The following HCRTR2 variants were observed in gnomAD, a reference collection of about 807,000 sequenced individuals.
HCRTR2 encodes the protein hypocretin receptor 2, also known as orexin receptor type 2.
Under a neutral mutation model 49.0 loss-of-function variants are expected in HCRTR2, and 22 were observed. The ratio of observed to expected loss-of-function variants is 0.45; its 90% confidence interval spans 0.32 to 0.64. HCRTR2 has a LOEUF of 0.64. HCRTR2 is among the 30% of genes least tolerant of loss of function. The pLI, the probability that HCRTR2 is intolerant of heterozygous loss-of-function variation, is 0.04. For synonymous variants in HCRTR2, 236 were observed against 205.3 expected (o/e 1.15, Z -1.28); for missense variants, 491 against 559.4 (o/e 0.88, Z 1.23).
chr6:55,231,512 A>AT (rs113402629), intron 1 of HCRTR2, among the ~76,000 whole-genome samples: 6,150 of 151,140 alleles, frequency 0.041, 425 homozygotes, highest in African/African-American at 0.14. Context: ...AAGTACTTGC[A>AT]TTTTTTTTTA....
chr6:55,171,090 T>C, upstream of HCRTR2, among the ~76,000 whole-genome samples: 1 of 152,258 alleles, frequency 6.6e-6, no homozygotes, highest in South Asian at 2.1e-4. Flanking sequence ...CCTTTGTGTA[T>C]ATACCCAGTA....
intron 1 of HCRTR2, among the ~76,000 whole-genome samples, chr6:55,226,051 G>A (rs925202739): frequency 1.3e-5 from 2 of 152,180 alleles, no homozygotes; most frequent in Non-Finnish European, 2.9e-5. Context: ...GTGGTTTTAA[G>A]GTCAGAAACA....
intron 4 of HCRTR2, among the ~76,000 whole-genome samples, chr6:55,275,973 A>ACAGG (rs144858893): frequency 0.027 from 4,125 of 151,856 alleles, 205 homozygotes; most frequent in African/African-American, 0.092. Context: ...CATTTAGAAG[A>ACAGG]CAGTTCAAGA....
chr6:55,108,853 A>G (rs1275884518), intron 1 of HCRTR2, among the ~76,000 whole-genome samples: 1 of 152,092 alleles, frequency 6.6e-6, no homozygotes, highest in Non-Finnish European at 1.5e-5. Context: ...GAGCACAGAA[A>G]GCATTGTGGG....
At chr6:55,128,586 T>C (rs1204630228) in intron 1 of HCRTR2, among the ~76,000 whole-genome samples, 1 of 152,182 alleles carries the variant, frequency 6.6e-6, no homozygotes, top group African/African-American at 2.4e-5. Context: ...TTTAGGTCAT[T>C]TCTGATTTAT....
intron 4 of HCRTR2, among the ~76,000 whole-genome samples, chr6:55,265,329 G>A (rs1766842030): frequency 6.6e-6 from 1 of 151,948 alleles, no homozygotes; most frequent in Non-Finnish European, 1.5e-5. Context: ...GTTTTGCTAG[G>A]TTATTATTCT....
chr6:55,113,040 A>T (rs1770512822), intron 1 of HCRTR2, among the ~76,000 whole-genome samples: 1 of 152,028 alleles, frequency 6.6e-6, no homozygotes, highest in Non-Finnish European at 1.5e-5. Flanking sequence ...TGGTCACCCT[A>T]TTCAAGGAAT....
At chr6:55,263,873 T>C (rs1401798488) in intron 4 of HCRTR2, 51 bp downstream of exon 4, 1 of 1,072,860 alleles carries the variant, frequency 9.3e-7, no homozygotes, top group South Asian at 1.3e-5. Context: ...ACATAATTTG[T>C]TATTTGTTAT....
intron 1 of HCRTR2, among the ~76,000 whole-genome samples, chr6:55,245,359 C>A (rs556024499): frequency 7.3e-6 from 1 of 137,002 alleles, no homozygotes; most frequent in Non-Finnish European, 1.6e-5. Context: ...ACAAGGGAAC[C>A]GATGTGTGTG....
chr6:55,250,150 C>G (rs1234556349), intron 2 of HCRTR2, among the ~76,000 whole-genome samples: 1 of 151,976 alleles, frequency 6.6e-6, no homozygotes, highest in Non-Finnish European at 1.5e-5. Context: ...GTTATAAGCT[C>G]CATGCATATA....
intron 1 of HCRTR2, among the ~76,000 whole-genome samples, chr6:55,154,396 T>G (rs1198971535): frequency 6.6e-6 from 1 of 151,822 alleles, no homozygotes; most frequent in African/African-American, 2.4e-5. Flanking sequence ...GCAAACTAAA[T>G]TCAACAGTAC....
chr6:55,176,085 C>T (rs1181799649), intron 1 of HCRTR2, among the ~76,000 whole-genome samples: 1 of 152,136 alleles, frequency 6.6e-6, no homozygotes, highest in African/African-American at 2.4e-5. Context: ...TCAGACTAAC[C>T]TGATTTTTGC....
intron 1 of HCRTR2, among the ~76,000 whole-genome samples, chr6:55,165,819 TAAC>T (rs1249501596): frequency 2.2e-5 from 3 of 136,990 alleles, no homozygotes; most frequent in Non-Finnish European, 4.7e-5. Flanking sequence ...AAGAGACGAA[TAAC>T]CCAATCTAAA....
At chr6:55,117,783 C>CA (rs34425786) in intron 1 of HCRTR2, among the ~76,000 whole-genome samples, 25,428 of 78,244 alleles carry the variant, frequency 0.32, 5,028 homozygotes, top group East Asian at 0.79. Context: ...GATAAAGTCT[C>CA]AAAAAAAAAA....
At chr6:55,115,852 T>C (rs1330712825) in intron 1 of HCRTR2, among the ~76,000 whole-genome samples, 1 of 151,476 alleles carries the variant, frequency 6.6e-6, no homozygotes, top group Admixed American at 6.6e-5. Context: ...TTTAAATATA[T>C]ATATATATTT....
At chr6:55,283,205 C>A (rs538277125), downstream of HCRTR2, among the ~76,000 whole-genome samples, 2 of 152,250 alleles carry the variant, frequency 1.3e-5, no homozygotes, top group Admixed American at 1.3e-4. Context: ...ATATAGTCAG[C>A]CTTGCTGGAT....
At chr6:55,193,007 A>C (rs1433240980) in intron 1 of HCRTR2, among the ~76,000 whole-genome samples, 1 of 152,164 alleles carries the variant, frequency 6.6e-6, no homozygotes, top group African/African-American at 2.4e-5. Context: ...TCAGTCTAGA[A>C]CTTGATGTTC....
At chr6:55,133,665 CT>C (rs1764391716) in intron 1 of HCRTR2, among the ~76,000 whole-genome samples, 2 of 34,068 alleles carry the variant, frequency 5.9e-5, no homozygotes, top group East Asian at 1.7e-3. Context: ...TATCTATCAT[CT>C]ATCTATCTAT....
At chr6:55,216,311 A>G (rs1765785543) in intron 1 of HCRTR2, among the ~76,000 whole-genome samples, 1 of 152,072 alleles carries the variant, frequency 6.6e-6, no homozygotes, top group Admixed American at 6.5e-5. Context: ...ATCATATGCA[A>G]ATACCTTCAT....
Sources: allele counts gnomAD v4.1 joint callset (sites outside exome capture counted in the v4.1 genomes callset), GRCh38; gene constraint gnomAD v4.1.1; transcripts MANE v1.5; gene names NCBI Gene and HGNC (gene_info 2026-07-23, HGNC 2026-07-21).